The following SND1 variants were observed in gnomAD, a reference collection of about 807,000 sequenced individuals.
SND1 encodes staphylococcal nuclease domain-containing protein 1.
A neutral mutation model predicts 121.7 loss-of-function variants in SND1; 38 were observed. That is an observed-to-expected ratio of 0.31 (90% confidence interval 0.24 to 0.41). The LOEUF is 0.41. Ranked by LOEUF, SND1 falls within the 10% of genes least tolerant of loss-of-function variation. The pLI, the probability that SND1 is intolerant of heterozygous loss-of-function variation, is 1.00. For synonymous variants in SND1, 401 were observed against 447.4 expected (o/e 0.90, Z 1.31); for missense variants, 868 against 1,184.6 (o/e 0.73, Z 3.92).
intron 10 of SND1, among the ~76,000 whole-genome samples, chr7:127,725,118 G>T (rs1245316479): frequency 1.3e-5 from 2 of 152,160 alleles, no homozygotes; most frequent in African/African-American, 4.8e-5. Context: ...TATGGGTGTG[G>T]TAAGAAACAT....
intron 15 of SND1, among the ~76,000 whole-genome samples, chr7:127,948,807 CCCAA>C (rs1291725968): frequency 6.6e-6 from 1 of 152,212 alleles, no homozygotes; most frequent in East Asian, 1.9e-4. Context: ...CCCTGCATAG[CCCAA>C]CCCTCTTCCG....
chr7:127,858,033 A>T, intron 12 of SND1: 1 of 1,431,796 alleles, frequency 7.0e-7, no homozygotes, highest in Non-Finnish European at 9.8e-7. Context: ...CCCACATCAC[A>T]TCCACCAGAC....
chr7:127,747,176 G>A (rs978258131), intron 10 of SND1, among the ~76,000 whole-genome samples: 8 of 152,124 alleles, frequency 5.3e-5, no homozygotes, highest in Admixed American at 4.6e-4. Flanking sequence ...TTTCCAGGTC[G>A]ACCAAGTTCT....
intron 16 of SND1, among the ~76,000 whole-genome samples, chr7:128,053,400 G>A (rs887222694): frequency 6.6e-6 from 1 of 152,170 alleles, no homozygotes; most frequent in South Asian, 2.1e-4. Context: ...TCTGTGAGAT[G>A]CTGTGAGCTA....
At chr7:128,009,128 G>T (rs1803053335) in intron 16 of SND1, among the ~76,000 whole-genome samples, 1 of 152,184 alleles carries the variant, frequency 6.6e-6, no homozygotes. Flanking sequence ...CGGCCCCCTG[G>T]TGAGGGGCTT....
At chr7:127,937,023 G>C (rs1030481793) in intron 15 of SND1, among the ~76,000 whole-genome samples, 9 of 152,156 alleles carry the variant, frequency 5.9e-5, no homozygotes, top group African/African-American at 1.9e-4. Flanking sequence ...TCAAGGCATG[G>C]TGCCTGTAAA....
At position 128,029,011 on chromosome 7, in the gene SND1, A is replaced by G. The variant is rs760145180; in HGVS notation, c.1779+37955A>G. 5 of 1,613,556 alleles carry G rather than the reference A, an allele frequency of 3.1e-6. No homozygotes were observed. The highest frequency in any genetic ancestry group is 1.7e-5 in the Admixed American group (1 of 59,916). ...TTACGAAGTTTATAGAAGACAATCA[A>G]CATGGCGGCAGCTAGCAGAGTCACT... On this transcript the variant is annotated intron_variant, in intron 16 of 23. Coordinates refer to ENST00000354725, the MANE Select transcript of SND1 (RefSeq NM_014390.4). This position sits in a 1 kb window ranked among gnomAD's most constrained non-coding sequence, Gnocchi z 4.2.
intron 15 of SND1, among the ~76,000 whole-genome samples, chr7:127,964,731 T>G (rs1193330): frequency 0.69 from 97,718 of 140,930 alleles, 35,725 homozygotes; most frequent in African/African-American, 0.91. Context: ...TTGACTTGGC[T>G]ATGCGGGCTG....
chr7:127,982,964 T>G (rs773865380), intron 15 of SND1, among the ~76,000 whole-genome samples: 2 of 152,264 alleles, frequency 1.3e-5, no homozygotes, highest in Non-Finnish European at 2.9e-5. Flanking sequence ...TGACTCTACC[T>G]TTCATGTTGA....
At chr7:127,700,684 T>TG (rs998625858) in intron 4 of SND1, among the ~76,000 whole-genome samples, 3 of 152,214 alleles carry the variant, frequency 2.0e-5, no homozygotes, top group South Asian at 2.1e-4. Context: ...TGTAAGTAGT[T>TG]GGGGGGTAAC....
At chr7:127,921,276 CT>C (rs1307868385) in intron 14 of SND1, among the ~76,000 whole-genome samples, 1 of 152,134 alleles carries the variant, frequency 6.6e-6, no homozygotes, top group Non-Finnish European at 1.5e-5. Flanking sequence ...AGAGTTTAGA[CT>C]TTCTTAAGCT....
intron 10 of SND1, among the ~76,000 whole-genome samples, chr7:127,795,068 T>A (rs1797990808): frequency 6.6e-6 from 1 of 152,262 alleles, no homozygotes; most frequent in Non-Finnish European, 1.5e-5. Context: ...TTTTTAAATG[T>A]CCTTTCCAAT....
At chr7:127,866,327 G>A (rs757627627) in intron 12 of SND1, among the ~76,000 whole-genome samples, 3 of 152,180 alleles carry the variant, frequency 2.0e-5, no homozygotes, top group Non-Finnish European at 4.4e-5. Context: ...TACTAAGTTG[G>A]ATTATGAGCT....
intron 9 of SND1, among the ~76,000 whole-genome samples, chr7:127,719,106 A>G (rs538004265): frequency 1.5e-4 from 23 of 152,134 alleles, no homozygotes; most frequent in Non-Finnish European, 2.9e-4. Context: ...TTAGGATACC[A>G]CAATAGCAGA....
At chr7:127,824,254 A>G (rs752976025) in intron 11 of SND1, among the ~76,000 whole-genome samples, 15 of 152,248 alleles carry the variant, frequency 9.9e-5, no homozygotes, top group Non-Finnish European at 1.8e-4. Context: ...ATACATCCAC[A>G]GCAATAGTGT....
At chr7:127,884,592 A>G (rs1799857758) in intron 12 of SND1, among the ~76,000 whole-genome samples, 1 of 152,112 alleles carries the variant, frequency 6.6e-6, no homozygotes, top group Admixed American at 6.6e-5. Context: ...ACAGGCCCGT[A>G]GCTCAGATGT....
In SND1 at chr7:128,085,913, G is replaced by A. The variant is rs1012072481; in HGVS notation, c.2304+133G>A. On this transcript the variant is annotated intron_variant, in intron 20 of 23. Coordinates refer to ENST00000354725, the MANE Select transcript of SND1 (RefSeq NM_014390.4). The surrounding 1 kb of genome is among the most constrained non-coding windows in gnomAD (Gnocchi z 4.4). The stretch of plus-strand genomic sequence containing the variant: ...GAGCATTGGGGCATCTCTGCTGTGC[G>A]TGTAACAGGCCAGGCCCCCTCAGTG... 12 of 784,536 alleles carry A rather than the reference G, an allele frequency of 1.5e-5. No individual in the cohort carries two copies. Among genetic ancestry groups the A allele is most frequent in the South Asian group, 3.3e-5 (2 of 60,366 alleles). 48.6% of individuals were successfully genotyped at this position (784,536 alleles called of 1,614,324 possible). A position where few individuals can be genotyped will look rare whatever the true frequency, so the allele number is the denominator to read the frequency against.
intron 17 of SND1, among the ~76,000 whole-genome samples, chr7:128,075,402 A>T (rs1327735588): frequency 2.6e-5 from 4 of 152,186 alleles, no homozygotes; most frequent in Non-Finnish European, 5.9e-5. Context: ...CTGAGCTATA[A>T]ATTTGTTCCA....
At chr7:128,028,760 C>T in intron 16 of SND1, 5 of 1,614,086 alleles carry the variant, frequency 3.1e-6, no homozygotes, top group Non-Finnish European at 3.4e-6. Context: ...CTGTGGGGTG[C>T]AGAGAGTTCC....
Sources: gnomAD v4.1 joint callset for allele counts (sites outside exome capture counted in the v4.1 genomes callset) on GRCh38, gnomAD v4.1.1 for gene constraint, Gnocchi (gnomAD v3.1) non-coding constraint, MANE v1.5 for transcripts, NCBI Gene and HGNC (gene_info 2026-07-23, HGNC 2026-07-21) for gene names.